The following NPAS3 variants were observed in gnomAD, a reference collection of about 807,000 sequenced individuals.
The protein encoded by NPAS3 is neuronal PAS domain protein 3.
A neutral mutation model predicts 73.1 loss-of-function variants in NPAS3; 14 were observed. That is an observed-to-expected ratio of 0.19 (90% CI 0.13 to 0.30). NPAS3 has a LOEUF of 0.30. NPAS3 is among the 10% of genes least tolerant of loss of function. The pLI, the probability that NPAS3 is intolerant of heterozygous loss-of-function variation, is 1.00. For missense variants in NPAS3, 1,096 were observed against 1,250.0 expected, an observed-to-expected ratio of 0.88 and a Z score of 1.86; for synonymous variants, 620 against 541.5, an observed-to-expected ratio of 1.14 and a Z score of -2.01.
intron 3 of NPAS3, among the ~76,000 whole-genome samples, chr14:33,287,048 T>C (rs994001253): frequency 6.6e-6 from 1 of 152,074 alleles, no homozygotes; most frequent in African/African-American, 2.4e-5. Flanking sequence ...TATCTTTAGA[T>C]AATAAAAGCC....
In NPAS3 at chr14:33,121,685, T is replaced by A. The variant is rs116539021; in HGVS notation, c.140+65691T>A. Among the ~76,000 whole-genome samples, 1,440 of 152,250 alleles carry A rather than the reference T, an allele frequency of 9.5e-3. 24 individuals are homozygous for A. Among genetic ancestry groups the A allele is most frequent in the African/African-American group, 0.033 (1,363 of 41,560 alleles). On this transcript the variant is annotated intron_variant, in intron 2 of 11. Transcript: ENST00000356141. ...AAAATATTGTTCTCTTCTGAGAGAA[T>A]CATGTCAGATATCCTGGAAATAGAA...
intron 2 of NPAS3, among the ~76,000 whole-genome samples, chr14:33,087,146 T>C (rs1309821709): frequency 9.8e-6 from 1 of 101,974 alleles, no homozygotes; most frequent in Non-Finnish European, 1.9e-5. Flanking sequence ...TATAATAATA[T>C]AGTATACAAT....
At chr14:33,257,586 A>C (rs1247801079) in intron 3 of NPAS3, among the ~76,000 whole-genome samples, 1 of 152,218 alleles carries the variant, frequency 6.6e-6, no homozygotes, top group East Asian at 1.9e-4. Context: ...TGTTCAAATG[A>C]AGAAGAAAGT....
chr14:33,533,591 A>C (rs2054132313), intron 4 of NPAS3, among the ~76,000 whole-genome samples: 1 of 152,192 alleles, frequency 6.6e-6, no homozygotes, highest in Non-Finnish European at 1.5e-5. Flanking sequence ...GAAGGGATCA[A>C]GTAATTCATT....
intron 1 of NPAS3, among the ~76,000 whole-genome samples, chr14:32,990,583 GA>G (rs1440455834): frequency 1.3e-5 from 2 of 152,102 alleles, no homozygotes; most frequent in African/African-American, 4.8e-5. Flanking sequence ...GGAATAACTG[GA>G]AGAGAAATGA....
intron 7 of NPAS3, among the ~76,000 whole-genome samples, chr14:33,761,466 T>A (rs2062287010): frequency 6.6e-6 from 1 of 151,422 alleles, no homozygotes; most frequent in Non-Finnish European, 1.5e-5. Flanking sequence ...AAAAATATCC[T>A]CAAGGCATTA....
intron 9 of NPAS3, among the ~76,000 whole-genome samples, chr14:33,790,166 T>C (rs1215264240): frequency 6.6e-6 from 1 of 152,234 alleles, no homozygotes; most frequent in Non-Finnish European, 1.5e-5. Flanking sequence ...CCTAAGCTCA[T>C]TGTGTGATGA....
chr14:33,661,600 T>A (rs2059310613), intron 5 of NPAS3, among the ~76,000 whole-genome samples: 1 of 152,228 alleles, frequency 6.6e-6, no homozygotes, highest in Non-Finnish European at 1.5e-5. Flanking sequence ...TTGCCCAGAA[T>A]AGGAAAACTT....
chr14:32,967,776 G>T (rs1419015577), intron 1 of NPAS3, among the ~76,000 whole-genome samples: 6 of 151,042 alleles, frequency 4.0e-5, no homozygotes, highest in Non-Finnish European at 7.4e-5. Context: ...GCATGTGGGG[G>T]GGGGTCCTAA....
intron 3 of NPAS3, among the ~76,000 whole-genome samples, chr14:33,247,067 A>T (rs1045457758): frequency 6.6e-6 from 1 of 152,072 alleles, no homozygotes; most frequent in African/African-American, 2.4e-5. Flanking sequence ...AAGAGATAGT[A>T]GGCAAAGACA....
chr14:33,423,457 G>A (rs982589387), intron 4 of NPAS3, among the ~76,000 whole-genome samples: 1 of 151,918 alleles, frequency 6.6e-6, no homozygotes, highest in Non-Finnish European at 1.5e-5. Flanking sequence ...ATCTGTGACA[G>A]GAAATGCATG....
chr14:33,127,899 T>C (rs184137471), intron 2 of NPAS3, among the ~76,000 whole-genome samples: 2 of 152,238 alleles, frequency 1.3e-5, no homozygotes, highest in East Asian at 1.9e-4. Context: ...AATAGGCAAT[T>C]TGCATCACTA....
At chr14:33,490,344 T>C (rs1301101822) in intron 4 of NPAS3, among the ~76,000 whole-genome samples, 1 of 152,204 alleles carries the variant, frequency 6.6e-6, no homozygotes, top group Non-Finnish European at 1.5e-5. Context: ...TTATGCCATT[T>C]GAAATTAGCA....
chr14:33,563,537 C>CACACACACACACACAGAGAGAG lies in NPAS3; in HGVS notation c.558+3328_558+3329insCACACACACACACAGAGAGAGA. On this transcript the variant is annotated intron_variant, in intron 5 of 11. Transcript: ENST00000356141. ...ATACATACACACACACACACACACACAGAGAGAGAGAGAGAGAGAGAGAGA... is the reference window on the plus strand; with the variant it reads ...ATACATACACACACACACACACACACACACACACACACACAGAGAGAGAGAGAGAGAGAGAGAGAGAGAGAGA... Among the ~76,000 whole-genome samples the CACACACACACACACAGAGAGAG allele has an allele frequency of 3.6e-3, 428 of 119,672 alleles. 5 individuals are homozygous for CACACACACACACACAGAGAGAG. Among genetic ancestry groups the CACACACACACACACAGAGAGAG allele is most frequent in the African/African-American group, 0.015 (397 of 26,754 alleles). The allele number at this position is 119,672 out of a possible 152,430, so 78.5% of individuals were successfully genotyped here.
At chr14:33,446,838 G>C (rs929912059) in intron 4 of NPAS3, among the ~76,000 whole-genome samples, 9 of 152,192 alleles carry the variant, frequency 5.9e-5, no homozygotes, top group African/African-American at 2.2e-4. Context: ...TGCAAAATGA[G>C]ATAATATTTT....
intron 4 of NPAS3, among the ~76,000 whole-genome samples, chr14:33,422,652 TAGA>T (rs1457350185): frequency 6.6e-6 from 1 of 151,796 alleles, no homozygotes; most frequent in Non-Finnish European, 1.5e-5. Context: ...CCCTAGGACC[TAGA>T]AGATTACCTG....
chr14:33,322,482 T>C (rs1481924634), intron 3 of NPAS3, among the ~76,000 whole-genome samples: 1 of 144,680 alleles, frequency 6.9e-6, no homozygotes, highest in Non-Finnish European at 1.5e-5. Flanking sequence ...TCTGTGTATA[T>C]ATGTGTGTTA....
At chr14:33,803,104 T>C (rs1346871128), downstream of NPAS3, 1 of 152,176 alleles carries the variant, frequency 6.6e-6, no homozygotes, top group African/African-American at 2.4e-5. Context: ...ATAGCCTCAG[T>C]TGTTAACATT....
chr14:33,072,479 A>G (rs1212445255), intron 2 of NPAS3, among the ~76,000 whole-genome samples: 1 of 152,224 alleles, frequency 6.6e-6, no homozygotes, highest in Non-Finnish European at 1.5e-5. Context: ...ATTTTTCTTT[A>G]CGATAGAAAT....
Sources: gnomAD v4.1 joint callset for allele counts (sites outside exome capture counted in the v4.1 genomes callset) on GRCh38, gnomAD v4.1.1 for gene constraint, MANE v1.5 for transcripts, NCBI Gene and HGNC (gene_info 2026-07-23, HGNC 2026-07-21) for gene names.